TIAM1: variants seen among roughly 807,000 people sequenced by gnomAD.
The protein encoded by TIAM1 is TIAM Rac1 associated GEF 1, also known as rho guanine nucleotide exchange factor TIAM1.
In TIAM1, 65 loss-of-function variants were observed where a neutral mutation model predicts 163.5. The observed-to-expected ratio is 0.40, with a 90% confidence interval of 0.33 to 0.49. The LOEUF (loss-of-function observed/expected upper bound fraction) is 0.49, where lower values mean the gene tolerates loss of function less well. TIAM1 is among the 20% of genes least tolerant of loss of function. The pLI, the probability that TIAM1 is intolerant of heterozygous loss-of-function variation, is 0.77. For missense variants in TIAM1, 1,789 were observed against 2,044.7 expected (o/e 0.87, Z 2.41); for synonymous variants, 833 against 810.1 (o/e 1.03, Z -0.48).
intron 2 of TIAM1, among the ~76,000 whole-genome samples, chr21:31,441,485 G>C (rs764191533): frequency 1.3e-5 from 2 of 152,128 alleles, no homozygotes; most frequent in Non-Finnish European, 2.9e-5. Context: ...TGAGTCCCAG[G>C]AATATGGCAA....
intron 2 of TIAM1, among the ~76,000 whole-genome samples, chr21:31,311,105 GA>G (rs1364845175): frequency 6.6e-6 from 1 of 151,604 alleles, no homozygotes; most frequent in Non-Finnish European, 1.5e-5. Context: ...GAACAAAGGA[GA>G]AGAAATTTGA....
At chr21:31,346,145 A>T (rs1056830772), upstream of TIAM1, among the ~76,000 whole-genome samples, 26 of 152,050 alleles carry the variant, frequency 1.7e-4, no homozygotes, top group Non-Finnish European at 1.3e-4. Context: ...TATCATGCAT[A>T]TAACAGGCCC....
chr21:31,323,548 AGGCTGGG>A (rs1368423785), intron 2 of TIAM1, among the ~76,000 whole-genome samples: 1 of 152,082 alleles, frequency 6.6e-6, no homozygotes, highest in Non-Finnish European at 1.5e-5. Context: ...TTTAAAAATT[AGGCTGGG>A]TGTGATGGCT....
Position 31,266,401 on chromosome 21 carries a change from T to C in TIAM1, c.572A>G (p.Glu191Gly). Residue 191 changes from glutamate to glycine, a missense_variant, in exon 4 of 28, where the codon GAA (glutamate) becomes GGA (glycine). Glu to Gly is a moderately conservative substitution (Grantham distance 98, BLOSUM62 -2). Coordinates refer to ENST00000541036, the MANE Select transcript of TIAM1 (RefSeq NM_001353694.2). ...LEFSLSDLSQ[E>G]HLTSNEEILG... ...GATTTCTTCGTTGCTTGTTAAATGT[T>C]CTTGGCTCAGATCAGAGAGTGAGAA... The C allele has an allele frequency of 1.9e-6, 3 of 1,614,244 alleles. No individual in the cohort carries two copies. The highest frequency in any genetic ancestry group is 2.5e-6 in the Non-Finnish European group (3 of 1,180,054).
intron 2 of TIAM1, among the ~76,000 whole-genome samples, chr21:31,461,848 G>A (rs973905525): frequency 9.9e-5 from 15 of 152,004 alleles, no homozygotes; most frequent in African/African-American, 3.1e-4. Context: ...CTATATTTTT[G>A]TAGAGACGGG....
At chr21:31,451,278 C>A (rs906786112) in intron 2 of TIAM1, among the ~76,000 whole-genome samples, 1 of 152,120 alleles carries the variant, frequency 6.6e-6, no homozygotes, top group Non-Finnish European at 1.5e-5. Flanking sequence ...TCAGCAGAGT[C>A]GGCCACGGGG....
chr21:31,298,774 C>G (rs1372008455), intron 2 of TIAM1, among the ~76,000 whole-genome samples: 34 of 103,142 alleles, frequency 3.3e-4, no homozygotes, highest in African/African-American at 5.3e-4. Flanking sequence ...GTGTGAGAAA[C>G]AGAGAGAGAG....
rs539141862 is a variant in TIAM1 at position 31,378,349 on chromosome 21, A to G, written c.-368-38927T>C. On this transcript the variant is annotated intron_variant, in intron 2 of 28. Transcript: ENST00000286827. ...AATTAACACCAACCTCCTTTAAAAA[A>G]AATTCACATGATCTTGGCTTGATGT... Among the ~76,000 whole-genome samples, 112 of 152,254 alleles carry G rather than the reference A, an allele frequency of 7.4e-4. 1 individual carries two copies. Among genetic ancestry groups the G allele is most frequent in the African/African-American group, 2.6e-3 (110 of 41,548 alleles).
intron 2 of TIAM1, among the ~76,000 whole-genome samples, chr21:31,447,005 T>C (rs1365067006): frequency 6.6e-6 from 1 of 152,200 alleles, no homozygotes; most frequent in Non-Finnish European, 1.5e-5. Flanking sequence ...AGACAAATGA[T>C]ATCAGTATCA....
intron 6 of TIAM1, among the ~76,000 whole-genome samples, chr21:31,236,148 G>C (rs1477538632): frequency 2.6e-5 from 4 of 152,198 alleles, no homozygotes; most frequent in African/African-American, 9.7e-5. Flanking sequence ...TGAGTCTGTG[G>C]CTAGTGAGTC....
rs1208653726 is a variant in TIAM1 at position 31,266,016 on chromosome 21, T to C, written c.957A>G (p.Thr319=). ...CAAATTTCAATCACTTTACCTGAGT[T>C]GTTTTAGCTCTTCTGCCTTGCATGC... ...SNSMQGRRAK[T]TQDVNAGEGS... Residue 319 remains threonine, a synonymous_variant, in exon 4 of 28, where the codon ACA becomes ACG. Transcript: ENST00000541036. 2.5e-6 allele frequency: 4 copies of C among 1,612,440 alleles called. No individual in the cohort carries two copies. The highest frequency in any genetic ancestry group is 3.4e-6 in the Non-Finnish European group (4 of 1,178,836).
chr21:31,558,984 G>T (rs1289400095), upstream of TIAM1: 6 of 151,710 alleles, frequency 4.0e-5, no homozygotes, highest in Non-Finnish European at 8.8e-5. Context: ...GGGCAGCCGT[G>T]CCCCTGGGGC....
At chr21:31,377,710 G>C (rs1022955525) in intron 2 of TIAM1, among the ~76,000 whole-genome samples, 1 of 151,980 alleles carries the variant, frequency 6.6e-6, no homozygotes, top group Non-Finnish European at 1.5e-5. Context: ...GGCTACTAAG[G>C]GTATTTAGAC....
At chr21:31,315,015 A>G (rs993321930) in intron 2 of TIAM1, among the ~76,000 whole-genome samples, 1 of 152,130 alleles carries the variant, frequency 6.6e-6, no homozygotes, top group African/African-American at 2.4e-5. Flanking sequence ...AACTACTTTA[A>G]TTTTTTGGTG....
chr21:31,148,956 C>CTTTTTTTTTTTTTTT (rs869158026), intron 19 of TIAM1, among the ~76,000 whole-genome samples: 2 of 28,844 alleles, frequency 6.9e-5, no homozygotes, highest in African/African-American at 1.9e-4. Flanking sequence ...ACAAGTTTTT[C>CTTTTTTTTTTTTTTT]TTTTTCTTTT....
At chr21:31,144,841 AAAAAAAAAAAAG>A (rs1327332421) in intron 20 of TIAM1, among the ~76,000 whole-genome samples, 1 of 150,486 alleles carries the variant, frequency 6.6e-6, no homozygotes, top group East Asian at 1.9e-4. Flanking sequence ...AAAAAAAAAA[AAAAAAAAAAAAG>A]AAAAGAAAAG....
intron 2 of TIAM1, among the ~76,000 whole-genome samples, chr21:31,313,022 C>A (rs1310036152): frequency 6.6e-6 from 1 of 152,212 alleles, no homozygotes; most frequent in Non-Finnish European, 1.5e-5. Context: ...ATTACGGCAG[C>A]TACTCACCTG....
intron 2 of TIAM1, among the ~76,000 whole-genome samples, chr21:31,370,454 C>T (rs1419732159): frequency 6.6e-6 from 1 of 152,000 alleles, no homozygotes; most frequent in Admixed American, 6.6e-5. Flanking sequence ...ATACAGACAA[C>T]CCAGTATGGG....
chr21:31,438,179 C>CTTTTTT lies in TIAM1; in HGVS notation c.-369+25798_-369+25803dup, dbSNP rs34844399. 5.1e-4 allele frequency among the ~76,000 whole-genome samples: 32 copies of CTTTTTT among 62,720 alleles called. 3 individuals are homozygous for CTTTTTT. Among genetic ancestry groups the CTTTTTT allele is most frequent in the African/African-American group, 8.4e-4 (12 of 14,288 alleles). 41.1% of individuals were successfully genotyped at this position (62,720 alleles called of 152,430 possible). On this transcript the variant is annotated intron_variant, in intron 2 of 28. Coordinates refer to the TIAM1 transcript ENST00000286827. ...ACATATGTAATTGCGTATTTGTGAT[C>CTTTTTT]TTTTTTTTTTTTTTTTTTTTTTTTT...
Sources: allele counts gnomAD v4.1 joint callset (sites outside exome capture counted in the v4.1 genomes callset), GRCh38; gene constraint gnomAD v4.1.1; transcripts MANE v1.5; gene names NCBI Gene and HGNC (gene_info 2026-07-23, HGNC 2026-07-21).